Variants in CELF2 observed in about 807,000 individuals in gnomAD.
CELF2 encodes the protein CUG triplet repeat RNA-binding protein 2.
CELF2 carries 8 observed loss-of-function variants against 62.6 expected under a neutral mutation model. The ratio of observed to expected loss-of-function variants is 0.13; its 90% confidence interval spans 0.07 to 0.23. The LOEUF is 0.23. CELF2 is among the 10% of genes least tolerant of loss of function. The probability of loss-of-function intolerance (pLI) is 1.00; values close to 1 mark genes in which losing one functional copy is unlikely to be tolerated. For missense variants in CELF2, 333 were observed against 671.0 expected (o/e 0.50, Z 5.56); for synonymous variants, 258 against 250.0 (o/e 1.03, Z -0.30).
intron 1 of CELF2, chr10:11,092,167 A>G (rs969052132): frequency 1.3e-5 from 2 of 152,214 alleles, no homozygotes; most frequent in South Asian, 4.1e-4. Context: ...TGACAATGGA[A>G]GGGCACAGTC....
chr10:11,023,644 A>T (rs537811617), intron 1 of CELF2, among the ~76,000 whole-genome samples: 1 of 152,332 alleles, frequency 6.6e-6, no homozygotes, highest in South Asian at 2.1e-4. Context: ...GAAGACATTG[A>T]GGGAGATTTT....
the CELF2 span, among the ~76,000 whole-genome samples, chr10:10,533,073 A>G: frequency 6.6e-6 from 1 of 152,186 alleles, no homozygotes; most frequent in Non-Finnish European, 1.5e-5. Context: ...GAGAAGAAAT[A>G]GTGCAGATGG....
intron 2 of CELF2, among the ~76,000 whole-genome samples, chr10:11,194,178 G>C (rs1239557544): frequency 2.0e-5 from 3 of 152,204 alleles, no homozygotes; most frequent in Admixed American, 6.5e-5. Flanking sequence ...CGATTCTCCT[G>C]CCTCAGCCTC....
chr10:10,491,623 A>C, the CELF2 span, among the ~76,000 whole-genome samples: 1 of 152,196 alleles, frequency 6.6e-6, no homozygotes, highest in African/African-American at 2.4e-5. Flanking sequence ...AGCATTCATG[A>C]ATTCTTTTAG....
chr10:10,659,433 A>C, the CELF2 span, among the ~76,000 whole-genome samples: 1 of 152,154 alleles, frequency 6.6e-6, no homozygotes, highest in African/African-American at 2.4e-5. Flanking sequence ...TTCCTTTAGC[A>C]ATTACCTATT....
At chr10:10,480,268 A>C in the CELF2 span, among the ~76,000 whole-genome samples, 1 of 152,204 alleles carries the variant, frequency 6.6e-6, no homozygotes, top group Non-Finnish European at 1.5e-5. Flanking sequence ...GTCATGTCTG[A>C]AGGACCTATG....
chr10:10,570,360 C>T, the CELF2 span, among the ~76,000 whole-genome samples: 1 of 152,150 alleles, frequency 6.6e-6, no homozygotes. Flanking sequence ...AACAGAAAAC[C>T]TCAGCTCAAG....
chr10:10,858,455 A>G (rs1171008044), intron 1 of CELF2, among the ~76,000 whole-genome samples: 1 of 152,210 alleles, frequency 6.6e-6, no homozygotes, highest in Non-Finnish European at 1.5e-5. Context: ...ATGAGATAGA[A>G]AGAATGTGTG....
At chr10:11,313,443 C>A (rs186639466) in intron 9 of CELF2, among the ~76,000 whole-genome samples, 1 of 152,280 alleles carries the variant, frequency 6.6e-6, no homozygotes, top group East Asian at 1.9e-4. Context: ...TAACTTTATA[C>A]CAATATAGAG....
the CELF2 span, among the ~76,000 whole-genome samples, chr10:10,475,601 A>C: frequency 6.6e-6 from 1 of 152,132 alleles, no homozygotes; most frequent in Non-Finnish European, 1.5e-5. Flanking sequence ...AAATATAATC[A>C]ATCCATCAGT....
chr10:10,889,828 C>T lies in CELF2; in HGVS notation c.54-30136C>T, dbSNP rs566790565. ...TCTTCCAAAGTAGCACAACTTAAAC[C>T]GTGGTTCTGATTCTAAGAAAAGTCA... is the stretch of plus-strand genomic sequence containing the variant. On this transcript the variant is annotated intron_variant, in intron 1 of 13. Coordinates refer to the CELF2 transcript ENST00000636488. Among the ~76,000 whole-genome samples the T allele has an allele frequency of 4.6e-5, 7 of 152,248 alleles. No individual in the cohort carries two copies. In the South Asian group the frequency reaches 1.5e-3, roughly 32 times the overall value.
intron 2 of CELF2, among the ~76,000 whole-genome samples, chr10:10,977,085 C>A (rs751424758): frequency 6.7e-6 from 1 of 149,220 alleles, no homozygotes; most frequent in African/African-American, 2.6e-5. Context: ...TAGACCAATT[C>A]TTGACAGCTT....
chr10:10,598,149 G>A, the CELF2 span, among the ~76,000 whole-genome samples: 34 of 152,218 alleles, frequency 2.2e-4, no homozygotes, highest in African/African-American at 7.2e-4. Context: ...GACATAGAGC[G>A]CTTAGAAAAT....
chr10:11,301,713 G>A (rs1226461194), intron 9 of CELF2, among the ~76,000 whole-genome samples: 1 of 150,926 alleles, frequency 6.6e-6, no homozygotes, highest in Non-Finnish European at 1.5e-5. Flanking sequence ...GCCCTGGCCC[G>A]GTGGCACCAC....
At chr10:11,203,524 A>G (rs2059746064) in intron 2 of CELF2, among the ~76,000 whole-genome samples, 1 of 152,224 alleles carries the variant, frequency 6.6e-6, no homozygotes, top group African/African-American at 2.4e-5. Flanking sequence ...GTTTGGCAAG[A>G]TGAGTCCACC....
intron 2 of CELF2, among the ~76,000 whole-genome samples, chr10:10,929,884 T>A (rs1479845711): frequency 1.3e-5 from 2 of 152,234 alleles, no homozygotes; most frequent in African/African-American, 4.8e-5. Context: ...TACGAGTTAT[T>A]GCTGATGATT....
the CELF2 span, among the ~76,000 whole-genome samples, chr10:10,691,967 C>A: frequency 6.6e-6 from 1 of 151,818 alleles, no homozygotes; most frequent in Non-Finnish European, 1.5e-5. Context: ...TGCCTGTTCA[C>A]TCTCATGGTA....
At chr10:11,053,578 C>T (rs1460611723) in intron 1 of CELF2, among the ~76,000 whole-genome samples, 1 of 147,240 alleles carries the variant, frequency 6.8e-6, no homozygotes, top group Non-Finnish European at 1.5e-5. Context: ...AAAAAAAAGA[C>T]TATTTGGGCA....
the CELF2 span, among the ~76,000 whole-genome samples, chr10:10,579,561 A>G: frequency 1.3e-5 from 2 of 152,112 alleles, no homozygotes; most frequent in Non-Finnish European, 2.9e-5. Context: ...ATAGATACAG[A>G]TGTATAAATA....
Sources: allele counts gnomAD v4.1 joint callset (sites outside exome capture counted in the v4.1 genomes callset), GRCh38; gene constraint gnomAD v4.1.1; transcripts MANE v1.5; gene names NCBI Gene and HGNC (gene_info 2026-07-23, HGNC 2026-07-21).